DOCK9: variants seen among roughly 807,000 people sequenced by gnomAD.
DOCK9 encodes the protein dedicator of cytokinesis 9, also known as dedicator of cytokinesis protein 9.
In DOCK9, 89 loss-of-function variants were observed where a neutral mutation model predicts 263.3. The ratio of observed to expected loss-of-function variants is 0.34; its 90% CI spans 0.28 to 0.40. DOCK9 has a LOEUF of 0.40. Ranked by LOEUF, DOCK9 falls within the 10% of genes least tolerant of loss-of-function variation. The pLI is 1.00. For synonymous variants in DOCK9, 976 were observed against 973.1 expected, an observed-to-expected ratio of 1.00 and a Z score of -0.06; for missense variants, 2,140 against 2,603.4, an observed-to-expected ratio of 0.82 and a Z score of 3.87.
Position 98,925,889 on chromosome 13 carries a change from G to A in DOCK9, c.364C>T (p.Leu122Phe), listed in dbSNP as rs1447470657. 1 of 1,588,060 alleles carries A rather than the reference G, an allele frequency of 6.3e-7. No individual in the cohort carries two copies. Among genetic ancestry groups the A allele is most frequent in the Non-Finnish European group, 8.6e-7 (1 of 1,166,602 alleles). ...CIKTYNSDWH[L>F]VNYKYEDYSG... ...TAATCTTCATATTTATAGTTCACAA[G>A]ATGCCAGTCAGAGTTATAGGTTTTG... The change falls in exon 4 of 53, where the codon CTT (leucine) becomes TTT (phenylalanine). Residue 122 changes from leucine (L) to phenylalanine (F), a missense_variant. Physicochemically the swap from Leu to Phe is conservative, Grantham distance 22. Coordinates refer to ENST00000682017, the MANE Select transcript of DOCK9 (RefSeq NM_001366683.2).
At chr13:98,920,912 G>A (rs2051869624) in intron 7 of DOCK9, 42 bp downstream of exon 7, 2 of 1,547,530 alleles carry the variant, frequency 1.3e-6, no homozygotes, top group African/African-American at 2.8e-5. Context: ...AAGCACTACT[G>A]CAGATAAGAA....
At chr13:99,011,846 T>C (rs1161150794) in intron 1 of DOCK9, among the ~76,000 whole-genome samples, 2 of 152,210 alleles carry the variant, frequency 1.3e-5, no homozygotes, top group African/African-American at 4.8e-5. Flanking sequence ...GTCTGAGACA[T>C]GGTCTCCTTC....
At chr13:98,891,850 C>T (rs1196884282) in intron 15 of DOCK9, among the ~76,000 whole-genome samples, 1 of 147,510 alleles carries the variant, frequency 6.8e-6, no homozygotes, top group East Asian at 2.0e-4. Flanking sequence ...TTTTTAAAAA[C>T]CCAATCTCAA....
intron 1 of DOCK9, among the ~76,000 whole-genome samples, chr13:99,008,204 C>CTA (rs1567200759): frequency 1.1e-5 from 1 of 93,210 alleles, no homozygotes; most frequent in Admixed American, 1.2e-4. Context: ...CTCTCTCTCT[C>CTA]TCTCTCTCTA....
chr13:98,895,139 C>T (rs1361112499), intron 15 of DOCK9, among the ~76,000 whole-genome samples: 5 of 82,806 alleles, frequency 6.0e-5, no homozygotes, highest in African/African-American at 2.2e-4. Context: ...AGCGAGACTC[C>T]ATCTCGGAAA....
intron 38 of DOCK9, among the ~76,000 whole-genome samples, chr13:98,843,023 TG>T (rs2093275640): frequency 6.6e-6 from 1 of 152,196 alleles, no homozygotes; most frequent in South Asian, 2.1e-4. Flanking sequence ...CCAGTGGTGA[TG>T]GGGACAGACC....
At chr13:99,027,231 G>A (rs1566321243) in intron 1 of DOCK9, among the ~76,000 whole-genome samples, 3 of 152,054 alleles carry the variant, frequency 2.0e-5, no homozygotes, top group African/African-American at 7.2e-5. Context: ...TATTGGCCAG[G>A]CTGGTATCGA....
At chr13:98,978,113 T>G, upstream of DOCK9, 1 of 1,389,142 alleles carries the variant, frequency 7.2e-7, no homozygotes, top group East Asian at 2.6e-5. Context: ...GGGGTGTTAC[T>G]ACTCCATGCA....
intron 2 of DOCK9, among the ~76,000 whole-genome samples, chr13:98,944,575 T>G (rs189685779): frequency 1.3e-5 from 2 of 152,318 alleles, no homozygotes; most frequent in Non-Finnish European, 2.9e-5. Flanking sequence ...TCCATGTGTG[T>G]GTCCTGCTCC....
In DOCK9 at chr13:98,880,705, C is replaced by T. The variant is rs771084285; in HGVS notation, c.2746-33G>A. On this transcript the variant is annotated intron_variant, in intron 25 of 52. Transcript: ENST00000682017. ...GAAAAGAGAAAGAGACTTTAATGCACTGGCTCTCCAATGTGGGCTGAAAGC... is the reference window on the plus strand; with the variant it reads ...GAAAAGAGAAAGAGACTTTAATGCATTGGCTCTCCAATGTGGGCTGAAAGC... 2.5e-6 allele frequency: 4 copies of T among 1,606,504 alleles called. No individual in the cohort carries two copies. The African/African-American group carries it at 4.0e-5, about 16-fold the overall frequency.
At chr13:98,909,848 T>G (rs1012434964) in intron 9 of DOCK9, among the ~76,000 whole-genome samples, 4 of 152,200 alleles carry the variant, frequency 2.6e-5, no homozygotes, top group African/African-American at 9.6e-5. Flanking sequence ...TGATCCTCAC[T>G]CCATCTCCAT....
rs370059755 is a variant in DOCK9, at chr13:98,891,497, A to G, written c.1710-2786T>C. Among the ~76,000 whole-genome samples, 14 of 152,310 alleles carry G rather than the reference A, an allele frequency of 9.2e-5. 1 individual carries two copies. In the South Asian group the frequency reaches 1.2e-3, roughly 14 times the overall value. On this transcript the variant is annotated intron_variant, in intron 15 of 52. Transcript: ENST00000682017. ...CACCCCCTCCTAATTATTTCCACCT[A>G]TGAATGAACAGGCATCTTCATCACC...
At chr13:98,803,938 A>ATT (rs34751334) in intron 49 of DOCK9, among the ~76,000 whole-genome samples, 12 of 142,342 alleles carry the variant, frequency 8.4e-5, no homozygotes, top group Non-Finnish European at 1.1e-4. Flanking sequence ...AAAAACCTGT[A>ATT]TTTTTTTTTT....
In DOCK9 at chr13:98,954,152, T is replaced by C. The variant is rs368577055; in HGVS notation, c.243+1283A>G. The stretch of plus-strand genomic sequence containing the variant: ...GGATTAGAAGGCGTGGGGAGGCTTT[T>C]CATGTCAATTATTTCAATATTTCCC... On this transcript the variant is annotated intron_variant, in intron 2 of 52. Transcript: ENST00000682017. Among the ~76,000 whole-genome samples the C allele has an allele frequency of 3.2e-3, 483 of 152,284 alleles. 10 individuals are homozygous for C. The South Asian group carries it at 0.047, about 15-fold the overall frequency.
intron 1 of DOCK9, among the ~76,000 whole-genome samples, chr13:99,073,178 T>C (rs991126549): frequency 1.3e-5 from 2 of 152,104 alleles, no homozygotes; most frequent in Non-Finnish European, 2.9e-5. Context: ...CTGACCCGCA[T>C]ACCCTACCAC....
Position 98,922,127 on chromosome 13 carries a change from G to A in DOCK9, c.506C>T (p.Ser169Phe), listed in dbSNP as rs201914404. The A allele has an allele frequency of 3.3e-5, 53 of 1,597,394 alleles. No individual in the cohort carries two copies. The highest frequency in any genetic ancestry group is 4.5e-5 in the Non-Finnish European group (53 of 1,172,248). Residue 169 changes from serine (S) to phenylalanine (F), a missense_variant, in exon 6 of 53, where the codon TCC (serine) becomes TTC (phenylalanine). By Grantham distance (155) the Ser-to-Phe change is radical. Coordinates refer to ENST00000682017, the MANE Select transcript of DOCK9 (RefSeq NM_001366683.2). ...DKDEDAASLG[S>F]QKGGITKHGW... is the part of the protein sequence containing the mutation. The stretch of plus-strand genomic sequence containing the variant: ...ATGCTTGGTGATCCCACCCTTCTGG[G>A]AACCAAGGGAGGCAGCATCCTAGGA...
At chr13:98,982,792 C>T (rs1384407225), upstream of DOCK9, among the ~76,000 whole-genome samples, 2 of 152,116 alleles carry the variant, frequency 1.3e-5, no homozygotes, top group Non-Finnish European at 2.9e-5. Context: ...AAATCAAAAC[C>T]CAACAATTTT....
At chr13:98,923,493 TCAGA>T in intron 4 of DOCK9, 122 bp from the exon 5 acceptor site, 1 of 790,488 alleles carries the variant, frequency 1.3e-6, no homozygotes, top group South Asian at 1.6e-5. Flanking sequence ...GCTTCTTTAT[TCAGA>T]CAAAGAATAA....
At chr13:99,079,131 C>T (rs978340845) in intron 1 of DOCK9, among the ~76,000 whole-genome samples, 3 of 152,184 alleles carry the variant, frequency 2.0e-5, no homozygotes, top group Non-Finnish European at 4.4e-5. Flanking sequence ...TGAATGCGGC[C>T]GTGGAGTTGC....
Sources: gnomAD v4.1 joint callset for allele counts (sites outside exome capture counted in the v4.1 genomes callset) on GRCh38, gnomAD v4.1.1 for gene constraint, MANE v1.5 for transcripts, NCBI Gene and HGNC (gene_info 2026-07-23, HGNC 2026-07-21) for gene names.